Variants in FCRLB observed in about 807,000 individuals in gnomAD.
FCRLB encodes Fc receptor-like B.
FCRLB carries 34 observed loss-of-function variants against 33.6 expected under a neutral mutation model. That is an observed-to-expected ratio of 1.01 (90% CI 0.77 to 1.35). The LOEUF (loss-of-function observed/expected upper bound fraction) is 1.35, where lower values mean the gene tolerates loss of function less well. Among genes scored for constraint, FCRLB ranks in the 40% most tolerant of loss-of-function variants. The pLI, the probability that FCRLB is intolerant of heterozygous loss-of-function variation, is 0.00. For missense variants in FCRLB, 560 were observed against 580.2 expected (o/e 0.97, Z 0.36); for synonymous variants, 280 against 255.9 (o/e 1.09, Z -0.90).
At position 161,727,650 on chromosome 1, in the gene FCRLB, T is replaced by A. The variant is rs547245695; in HGVS notation, c.1269T>A (p.Pro423=). The change falls in exon 8 of 8, where the codon CCT becomes CCA. Residue 423 remains proline, a synonymous_variant. Coordinates refer to ENST00000367948, the Ensembl canonical transcript of FCRLB. ...GCCCGGGAACCCCAGAGACCACTCCTGTGGAGAGCTGAGGGGGCGGCTACC... is the reference window on the plus strand; with the variant it reads ...GCCCGGGAACCCCAGAGACCACTCCAGTGGAGAGCTGAGGGGGCGGCTACC... 36 of 1,599,940 alleles carry A rather than the reference T, an allele frequency of 2.3e-5. No individual in the cohort carries two copies. The South Asian group carries it at 3.9e-4, about 17-fold the overall frequency.
intron 5 of FCRLB, among the ~76,000 whole-genome samples, chr1:161,724,384 G>A (rs111484547): frequency 0.011 from 1,607 of 146,392 alleles, 25 homozygotes; most frequent in African/African-American, 0.039. Context: ...GAGGTCAGGA[G>A]TTCAAGACCA....
At chr1:161,723,576 C>A in exon 5 of FCRLB, 1 of 1,614,138 alleles carries the variant, frequency 6.2e-7, no homozygotes, top group Non-Finnish European at 8.5e-7. Context: ...ATGCCAGACA[C>A]GGGGAGCACC....
At chr1:161,725,017 G>T (rs975196545) in intron 5 of FCRLB, among the ~76,000 whole-genome samples, 5 of 152,196 alleles carry the variant, frequency 3.3e-5, no homozygotes, top group African/African-American at 1.2e-4. Context: ...AGCAGGGCCA[G>T]TTCTCTCAAC....
At position 161,723,632 on chromosome 1, in the gene FCRLB, T is replaced by TGAGCACGAGGGGAGGGG; in HGVS notation, c.307+19_307+35dup. The stretch of plus-strand genomic sequence containing the variant: ...TCTCTGTATCCAATGGTGAGTGGAC[T>TGAGCACGAGGGGAGGGG]GAGCACGAGGGGAGGGGGAGCACGT... On this transcript the variant is annotated intron_variant, in intron 5 of 7. Transcript: ENST00000367948. 1 of 1,610,584 alleles carries TGAGCACGAGGGGAGGGG rather than the reference T, an allele frequency of 6.2e-7. No individual in the cohort carries two copies. Among genetic ancestry groups the TGAGCACGAGGGGAGGGG allele is most frequent in the East Asian group, 2.2e-5 (1 of 44,806 alleles).
intron 7 of FCRLB, 108 bp from the exon 8 acceptor site, chr1:161,727,139 C>T (rs1683612316): frequency 2.2e-6 from 3 of 1,371,062 alleles, no homozygotes; most frequent in Non-Finnish European, 2.9e-6. Context: ...CCTCCTCACC[C>T]CTCTTCCGGC....
chr1:161,724,408 G>A (rs1298456047), intron 5 of FCRLB, among the ~76,000 whole-genome samples: 1 of 140,636 alleles, frequency 7.1e-6, no homozygotes, highest in African/African-American at 2.7e-5. Context: ...TGGCCAACAT[G>A]GTGAAACACT....
intron 5 of FCRLB, 87 bp downstream of exon 5, chr1:161,723,708 C>G (rs1683450229): frequency 6.5e-7 from 1 of 1,543,446 alleles, no homozygotes. Flanking sequence ...CTGGGCCAAT[C>G]CCAAGGTGCA....
chr1:161,727,322 T>C (rs966749684), exon 8 of FCRLB: 1 of 1,613,758 alleles, frequency 6.2e-7, no homozygotes, highest in African/African-American at 1.3e-5. Context: ...AATAGGCCGC[T>C]TTCCTTCAGA....
At chr1:161,727,203 A>G (rs780070545) in intron 7 of FCRLB, 44 bp from the exon 8 acceptor site, 4 of 1,537,014 alleles carry the variant, frequency 2.6e-6, no homozygotes, top group East Asian at 2.3e-5. Flanking sequence ...AGCGCCGAGA[A>G]GAACCATGCA....
intron 3 of FCRLB, 74 bp from the exon 4 acceptor site, chr1:161,722,915 G>A: frequency 6.3e-7 from 1 of 1,598,970 alleles, no homozygotes; most frequent in South Asian, 1.1e-5. Flanking sequence ...AGCCTTTCTT[G>A]TCGTCAAGAG....
At chr1:161,723,610 C>T in exon 5 of FCRLB, 1 of 1,614,004 alleles carries the variant, frequency 6.2e-7, no homozygotes, top group South Asian at 1.1e-5. Flanking sequence ...ATCCACCTCT[C>T]TGTATCCAAT....
chr1:161,724,948 C>G lies in FCRLB; in HGVS notation c.308-873C>G, dbSNP rs148929028. 3.8e-3 allele frequency among the ~76,000 whole-genome samples: 575 copies of G among 152,248 alleles called. 5 individuals carry two copies. The highest frequency in any genetic ancestry group is 0.013 in the African/African-American group (547 of 41,518). On this transcript the variant is annotated intron_variant, in intron 5 of 7. Coordinates refer to ENST00000367948, the Ensembl canonical transcript of FCRLB. The stretch of plus-strand genomic sequence containing the variant: ...TGCAGGACAAGCAGGTGAACTTAAA[C>G]AGGTGAAAGAGAGTCTTCTTGGCTG...
At position 161,722,980 on chromosome 1, in the gene FCRLB, G is replaced by C; in HGVS notation, c.32-9G>C. ...TTCTCCTTCCTCTTCCTTCTTTCCTGTTCTGCAGTTCCAAGCAGTGGGCAA... is the reference window on the plus strand; with the variant it reads ...TTCTCCTTCCTCTTCCTTCTTTCCTCTTCTGCAGTTCCAAGCAGTGGGCAA... On this transcript the variant is annotated splice_polypyrimidine_tract_variant and intron_variant, in intron 3 of 7. Coordinates refer to ENST00000367948, the Ensembl canonical transcript of FCRLB. 6.2e-7 allele frequency: 1 copy of C among 1,613,516 alleles called. No homozygotes were observed. Among genetic ancestry groups the C allele is most frequent in the Non-Finnish European group, 8.5e-7 (1 of 1,179,964 alleles).
exon 8 of FCRLB, chr1:161,727,282 G>T (rs72704099): frequency 6.2e-7 from 1 of 1,611,730 alleles, no homozygotes; most frequent in Non-Finnish European, 8.5e-7. Flanking sequence ...CACCGCCCCA[G>T]CTCCATGGGC....
exon 8 of FCRLB, chr1:161,728,107 G>A (rs1218200807): frequency 1.3e-5 from 2 of 157,336 alleles, no homozygotes; most frequent in East Asian, 3.6e-4. Flanking sequence ...TATTACTGAT[G>A]AGTTTACATC....
chr1:161,727,587 G>A (rs763946207), exon 8 of FCRLB: 58 of 1,614,064 alleles, frequency 3.6e-5, no homozygotes, highest in Non-Finnish European at 8.5e-6. Flanking sequence ...GGGAGCTCAG[G>A]GGAACGCCCG....
At chr1:161,727,279 C>T in exon 8 of FCRLB, 1 of 1,612,188 alleles carries the variant, frequency 6.2e-7, no homozygotes, top group Non-Finnish European at 8.5e-7. Flanking sequence ...CACCACCGCC[C>T]CAGCTCCATG....
rs1476749930 is a variant in FCRLB, at chr1:161,726,831, G to T, written c.703G>T (p.Ala235Ser). Residue 235 changes from alanine (A) to serine (S), a missense_variant, in exon 7 of 8, where the codon GCG becomes TCG. By Grantham distance (99) the Ala-to-Ser change is moderately conservative. Transcript: ENST00000367948. This position sits in a 1 kb window ranked among gnomAD's most constrained non-coding sequence, Gnocchi z 5.2. ...GAAGCGCGACACGCCGCTGCAGTTC[G>T]CGTTTTACAAGTACAGCCGCGCGGT... The T allele has an allele frequency of 5.1e-6, 8 of 1,571,820 alleles. No homozygotes were observed. The Admixed American group carries it at 1.3e-4, about 25-fold the overall frequency.
At position 161,726,124 on chromosome 1, in the gene FCRLB, G is replaced by A; in HGVS notation, c.574+37G>A. The A allele has an allele frequency of 6.2e-7, 1 of 1,608,102 alleles. No individual in the cohort carries two copies. ...CAGGGGCCCCGGGAGGGAGGCAAAT[G>A]AGCATTGAGAAATTCTGGGACAGGA... On this transcript the variant is annotated intron_variant, in intron 6 of 7. Coordinates refer to ENST00000367948, the Ensembl canonical transcript of FCRLB. The surrounding 1 kb of genome is among the most constrained non-coding windows in gnomAD (Gnocchi z 5.2).
Sources: gnomAD v4.1 joint callset for allele counts (sites outside exome capture counted in the v4.1 genomes callset) on GRCh38, gnomAD v4.1.1 for gene constraint, Gnocchi (gnomAD v3.1) non-coding constraint, MANE v1.5 for transcripts, NCBI Gene and HGNC (gene_info 2026-07-23, HGNC 2026-07-21) for gene names.